SND1: variants seen among roughly 807,000 people sequenced by gnomAD.
The protein encoded by SND1 is staphylococcal nuclease domain-containing protein 1.
A neutral mutation model predicts 121.7 loss-of-function variants in SND1; 38 were observed. The observed-to-expected ratio is 0.31, with a 90% CI of 0.24 to 0.41. The LOEUF is 0.41. Ranked by LOEUF, SND1 falls within the 10% of genes least tolerant of loss-of-function variation. The probability of loss-of-function intolerance (pLI) is 1.00; values close to 1 mark genes in which losing one functional copy is unlikely to be tolerated. For missense variants in SND1, 868 were observed against 1,184.6 expected (o/e 0.73, Z 3.92); for synonymous variants, 401 against 447.4 (o/e 0.90, Z 1.31).
intron 18 of SND1, among the ~76,000 whole-genome samples, chr7:128,084,199 C>T (rs1793651834): frequency 1.3e-5 from 2 of 152,210 alleles, no homozygotes; most frequent in Non-Finnish European, 2.9e-5. Context: ...ATTCTGGGGC[C>T]TTTTCCACGG....
In SND1 at chr7:127,686,769, G is replaced by GT. The variant is rs764830631; in HGVS notation, c.228+10dup. 3.0e-5 allele frequency: 49 copies of GT among 1,609,472 alleles called. No homozygotes were observed. Among genetic ancestry groups the GT allele is most frequent in the Non-Finnish European group, 3.9e-5 (46 of 1,176,168 alleles). On this transcript the variant is annotated splice_region_variant and intron_variant, in intron 2 of 23. Transcript: ENST00000354725. ...AAAGGATACCCCTGATGAGGTAGGTGTTTCCTGAGGCCATCGTGAGCCTGT... is the reference window on the plus strand; with the variant it reads ...AAAGGATACCCCTGATGAGGTAGGTGTTTTCCTGAGGCCATCGTGAGCCTGT...
At chr7:127,859,113 T>C (rs1799334667) in intron 12 of SND1, among the ~76,000 whole-genome samples, 1 of 152,138 alleles carries the variant, frequency 6.6e-6, no homozygotes, top group South Asian at 2.1e-4. Context: ...TCTTGGGATA[T>C]GTGTTTGCAT....
At chr7:127,809,039 GT>G (rs750755928) in intron 11 of SND1, among the ~76,000 whole-genome samples, 8 of 152,152 alleles carry the variant, frequency 5.3e-5, no homozygotes, top group Non-Finnish European at 1.0e-4. Context: ...CCCTGATTCT[GT>G]TTCATCCCTG....
intron 12 of SND1, among the ~76,000 whole-genome samples, chr7:127,845,046 C>A (rs935612029): frequency 6.6e-6 from 1 of 152,184 alleles, no homozygotes; most frequent in Admixed American, 6.5e-5. Context: ...TAAAATATAC[C>A]AGTATGGTAA....
rs535674294 is a variant in SND1 at position 127,988,346 on chromosome 7, G to A, written c.1670-2601G>A. 1.4e-4 allele frequency among the ~76,000 whole-genome samples: 21 copies of A among 152,158 alleles called. No homozygotes were observed. The South Asian group carries it at 4.4e-3, about 32-fold the overall frequency. On this transcript the variant is annotated intron_variant, in intron 15 of 23. Coordinates refer to ENST00000354725, the MANE Select transcript of SND1 (RefSeq NM_014390.4). ...GTTTACTTATTTCCACTTGAAAAAG[G>A]GCACAGAAGCACCCTACTTCGGCTT...
chr7:127,913,361 C>G (rs1193434019), intron 14 of SND1, among the ~76,000 whole-genome samples: 3 of 152,162 alleles, frequency 2.0e-5, no homozygotes, highest in Non-Finnish European at 4.4e-5. Flanking sequence ...GCAACAGGGT[C>G]CTAGCTTTTA....
chr7:127,746,397 T>TA lies in SND1; in HGVS notation c.1152+24997_1152+24998insA, dbSNP rs1237394151. Among the ~76,000 whole-genome samples the TA allele has an allele frequency of 2.0e-5, 3 of 152,350 alleles. No homozygotes were observed. The East Asian group carries it at 5.8e-4, about 29-fold the overall frequency. ...CCAGCATTTTCAACCCTAGCTCATG[T>TA]GTCCTTACATTCATTTCCATAACAA... On this transcript the variant is annotated intron_variant, in intron 10 of 23. Transcript: ENST00000354725.
intron 16 of SND1, among the ~76,000 whole-genome samples, chr7:128,037,449 T>C (rs547455920): frequency 3.3e-5 from 5 of 152,360 alleles, no homozygotes; most frequent in African/African-American, 1.2e-4. Flanking sequence ...TAAATGGGTC[T>C]TTGCAGACAT....
chr7:127,676,907 A>G, intron 1 of SND1, among the ~76,000 whole-genome samples: 1 of 152,064 alleles, frequency 6.6e-6, no homozygotes, highest in East Asian at 1.9e-4. Context: ...GTGTCCAGCT[A>G]ATTTTTGTAT....
chr7:127,674,975 C>G (rs576611754), intron 1 of SND1, among the ~76,000 whole-genome samples: 28 of 152,174 alleles, frequency 1.8e-4, no homozygotes, highest in Middle Eastern at 3.2e-3. Context: ...CCAAGGCAGG[C>G]AGATCACCTG....
At chr7:127,902,756 G>T (rs990903287) in intron 13 of SND1, among the ~76,000 whole-genome samples, 1 of 151,482 alleles carries the variant, frequency 6.6e-6, no homozygotes, top group Non-Finnish European at 1.5e-5. Context: ...TTGCTCTTTC[G>T]CCCAGGTTAG....
chr7:127,981,650 G>A (rs1802265717), intron 15 of SND1, among the ~76,000 whole-genome samples: 1 of 152,128 alleles, frequency 6.6e-6, no homozygotes, highest in African/African-American at 2.4e-5. Flanking sequence ...ATCTAAAAAT[G>A]CTTTTTTCCC....
chr7:127,775,967 ACT>A (rs1050775643), intron 10 of SND1, among the ~76,000 whole-genome samples: 1 of 152,014 alleles, frequency 6.6e-6, no homozygotes, highest in Admixed American at 6.5e-5. Flanking sequence ...CTTCAGCAAG[ACT>A]CTACCCAGAT....
rs1793789166 is a variant in SND1 at position 128,091,979 on chromosome 7, G to GT, written c.2668-8dup. On this transcript the variant is annotated splice_polypyrimidine_tract_variant and intron_variant, in intron 23 of 23. Transcript: ENST00000354725. ...CCGTATCCCTGAAGAGCTATTGTCT[G>GT]TTTTTTCTTACAGCTGAACCTGTGG... 2 of 1,614,214 alleles carry GT rather than the reference G, an allele frequency of 1.2e-6. No individual in the cohort carries two copies. The highest frequency in any genetic ancestry group is 8.5e-7 in the Non-Finnish European group (1 of 1,180,028).
At chr7:127,858,259 C>G in intron 12 of SND1, 1 of 787,726 alleles carries the variant, frequency 1.3e-6, no homozygotes, top group South Asian at 1.5e-5. Flanking sequence ...TCTGGTCGGC[C>G]AATTCGGAGA....
At chr7:128,090,688 C>G (rs1793764298) in intron 22 of SND1, among the ~76,000 whole-genome samples, 1 of 152,210 alleles carries the variant, frequency 6.6e-6, no homozygotes, top group African/African-American at 2.4e-5. Flanking sequence ...TCCCAGCCCT[C>G]CTGGCCTTTC....
chr7:127,746,807 C>T (rs886547811), intron 10 of SND1, among the ~76,000 whole-genome samples: 3 of 152,094 alleles, frequency 2.0e-5, no homozygotes, highest in African/African-American at 7.2e-5. Flanking sequence ...AGTCTCTGGT[C>T]CCCTTCAGTC....
At chr7:128,005,468 T>C (rs1388124704) in intron 16 of SND1, among the ~76,000 whole-genome samples, 2 of 152,230 alleles carry the variant, frequency 1.3e-5, no homozygotes, top group African/African-American at 2.4e-5. Flanking sequence ...ATTTGTACAG[T>C]ATCGTTGAAA....
intron 1 of SND1, among the ~76,000 whole-genome samples, chr7:127,667,741 G>A (rs1039626446): frequency 1.3e-5 from 2 of 152,186 alleles, no homozygotes; most frequent in Non-Finnish European, 2.9e-5. Flanking sequence ...CAGATCAGGC[G>A]TCGAAAAATA....
Sources: allele counts gnomAD v4.1 joint callset (sites outside exome capture counted in the v4.1 genomes callset), GRCh38; gene constraint gnomAD v4.1.1; transcripts MANE v1.5; gene names NCBI Gene and HGNC (gene_info 2026-07-23, HGNC 2026-07-21).